COL6A3: variants seen among roughly 807,000 people sequenced by gnomAD.
COL6A3 encodes collagen type VI alpha 3 chain.
A neutral mutation model predicts 274.1 loss-of-function variants in COL6A3; 137 were observed. That is an observed-to-expected ratio of 0.50 (90% confidence interval 0.44 to 0.58). The LOEUF (loss-of-function observed/expected upper bound fraction) is 0.58. Ranked by LOEUF, COL6A3 falls within the 20% of genes least tolerant of loss-of-function variation. The probability of loss-of-function intolerance (pLI) is 0.00; values close to 1 mark genes in which losing one functional copy is unlikely to be tolerated. For missense variants in COL6A3, 3,950 were observed against 4,124.9 expected, an observed-to-expected ratio of 0.96 and a Z score of 1.16; for synonymous variants, 1,650 against 1,650.6, an observed-to-expected ratio of 1.00 and a Z score of 0.01.
Position 237,381,013 on chromosome 2 carries a change from G to C in COL6A3, c.1799C>G (p.Ser600Cys). ...GAACTCAGCTGGGATGAACACCAGGGAGGAGTCGAAAGCGATCTCTTCCAG... is the reference window on the plus strand; with the variant it reads ...GAACTCAGCTGGGATGAACACCAGGCAGGAGTCGAAAGCGATCTCTTCCAG... ...AELEEIAFDSSLVFIPAEFRA... is the reference protein window; with the variant it reads ...AELEEIAFDSCLVFIPAEFRA... Residue 600 changes from serine to cysteine, a missense_variant, in exon 5 of 44, where the codon TCC becomes TGC. By Grantham distance (112) the Ser-to-Cys change is moderately radical (BLOSUM62 -1). Around this residue, in one of 5 missense-constraint regions of COL6A3, gnomAD observed 1,934 missense variants for 1,984.3 expected, o/e 0.97. Coordinates refer to ENST00000295550, the MANE Select transcript of COL6A3 (RefSeq NM_004369.4). 6.2e-7 allele frequency: 1 copy of C among 1,614,216 alleles called. No individual in the cohort carries two copies. Among genetic ancestry groups the C allele is most frequent in the Non-Finnish European group, 8.5e-7 (1 of 1,180,036 alleles).
At chr2:237,357,760 T>C in intron 22 of COL6A3, 57 bp downstream of exon 22, 1 of 1,552,334 alleles carries the variant, frequency 6.4e-7, no homozygotes, top group South Asian at 1.1e-5. Context: ...AGCCGAGAAG[T>C]GTGTCCTTTC....
At position 237,408,160 on chromosome 2, in the gene COL6A3, C is replaced by A. The variant is rs116097924; in HGVS notation, c.-31+5793G>T. 2.0e-3 allele frequency among the ~76,000 whole-genome samples: 312 copies of A among 152,248 alleles called. 1 individual carries two copies. Among genetic ancestry groups the A allele is most frequent in the African/African-American group, 7.4e-3 (307 of 41,528 alleles). On this transcript the variant is annotated intron_variant, in intron 1 of 43. Coordinates refer to ENST00000295550, the MANE Select transcript of COL6A3 (RefSeq NM_004369.4). ...ATAAAATCATTCTTGAAAACAGAAA[C>A]CTTTTCAAAAATCAAGTTGGAACAT... is the stretch of plus-strand genomic sequence containing the variant.
At position 237,363,314 on chromosome 2, in the gene COL6A3, A is replaced by G. The variant is rs1425682472; in HGVS notation, c.6002T>C (p.Met2001Thr). 9 of 1,614,054 alleles carry G rather than the reference A, an allele frequency of 5.6e-6. No homozygotes were observed. The highest frequency in any genetic ancestry group is 7.6e-6 in the Non-Finnish European group (9 of 1,180,050). Residue 2001 changes from methionine (M) to threonine (T), a missense_variant, in exon 14 of 44, where the codon ATG becomes ACG. Physicochemically the swap from Met to Thr is moderately conservative, Grantham distance 81. Transcript: ENST00000295550. ...GTTAAGCCTCAGGGGCCTGTCATAC[A>G]TAAACCCTCGCCCAAACTCCAGATG... ...LMHLEFGRGF[M>T]YDRPLRLNLL...
At position 237,374,094 on chromosome 2, in the gene COL6A3, C is replaced by T. The variant is rs1255795896; in HGVS notation, c.3679+318G>A. On this transcript the variant is annotated intron_variant, in intron 8 of 43. Coordinates refer to ENST00000295550, the MANE Select transcript of COL6A3 (RefSeq NM_004369.4). The surrounding 1 kb of genome is among the most constrained non-coding windows in gnomAD (Gnocchi z 4.8). Reference sequence around the variant, plus strand: ...TACGCAACAGGCGTTATCAGTTAGACGGCCCCTCCCTTTGGATATCTAGAC... The same window carrying T: ...TACGCAACAGGCGTTATCAGTTAGATGGCCCCTCCCTTTGGATATCTAGAC... Among the ~76,000 whole-genome samples, 5 of 152,210 alleles carry T rather than the reference C, an allele frequency of 3.3e-5. No homozygotes were observed. Among genetic ancestry groups the T allele is most frequent in the Non-Finnish European group, 4.4e-5 (3 of 68,046 alleles).
Position 237,361,742 on chromosome 2 carries a change from T to C in COL6A3, c.6153A>G (p.Pro2051=). ...GDRGPIGSIG[P]KGIPGEDGYR... is the part of the protein sequence containing the mutation. Reference sequence around the variant, plus strand: ...GGCAAGGGTAAAGCCACCGTACCTTTGGCCCGATGCTGCCGATGGGCCCGC... The same window carrying C: ...GGCAAGGGTAAAGCCACCGTACCTTCGGCCCGATGCTGCCGATGGGCCCGC... Residue 2051 remains proline (P), a synonymous_variant, in exon 15 of 44, where the codon CCA becomes CCG. Transcript: ENST00000295550. This position sits in a 1 kb window ranked among gnomAD's most constrained non-coding sequence, Gnocchi z 5.1. The C allele has an allele frequency of 6.2e-7, 1 of 1,614,160 alleles. No homozygotes were observed. Among genetic ancestry groups the C allele is most frequent in the South Asian group, 1.1e-5 (1 of 91,080 alleles).
rs1700531524 is a variant in COL6A3, at chr2:237,336,155, G to A, written c.8945C>T (p.Pro2982Leu). The A allele has an allele frequency of 6.2e-7, 1 of 1,613,328 alleles. No homozygotes were observed. Among genetic ancestry groups the A allele is most frequent in the South Asian group, 1.1e-5 (1 of 91,092 alleles). ...PQAAKPAATK[P>L]ATTKPMVKMS... The stretch of plus-strand genomic sequence containing the variant: ...CTTACCCATGGGCTTAGTGGTGGCT[G>A]GCTTGGTGGCAGCTGGTTTGGCTGC... Residue 2982 changes from proline to leucine, a missense_variant, in exon 40 of 44, where the codon CCA (proline) becomes CTA (leucine). Transcript: ENST00000295550.
rs1279246811 is a variant in COL6A3 at position 237,344,458 on chromosome 2, T to C, written c.7560A>G (p.Thr2520=). The change falls in exon 36 of 44, where the codon ACA becomes ACG. Residue 2520 remains threonine, a synonymous_variant. Coordinates refer to ENST00000295550, the MANE Select transcript of COL6A3 (RefSeq NM_004369.4). This position sits in a 1 kb window ranked among gnomAD's most constrained non-coding sequence, Gnocchi z 4.8. ...CCTCTCTGAGCTGTGGGGATGCTCT[T>C]GTGGGTGTGTTGCTGAAGAAAACAG... ...KVAVFFSNTP[T]RASPQLREAV... 1.9e-6 allele frequency: 3 copies of C among 1,614,222 alleles called. No homozygotes were observed. The highest frequency in any genetic ancestry group is 2.5e-6 in the Non-Finnish European group (3 of 1,180,040).
rs751064411 is a variant in COL6A3, at chr2:237,357,888, A to G, written c.6472-6T>C. The G allele has an allele frequency of 6.2e-7, 1 of 1,614,068 alleles. No homozygotes were observed. Among genetic ancestry groups the G allele is most frequent in the Non-Finnish European group, 8.5e-7 (1 of 1,179,928 alleles). On this transcript the variant is annotated splice_region_variant and splice_polypyrimidine_tract_variant and intron_variant, in intron 21 of 43. Coordinates refer to ENST00000295550, the MANE Select transcript of COL6A3 (RefSeq NM_004369.4). ...CTGTCTTGTCCTGGGTTACCCTGAA[A>G]GCAACATGGGAAAGGGAAATGAGCC...
In COL6A3 at chr2:237,377,103, G is replaced by A; in HGVS notation, c.2739C>T (p.Ala913=). 2 of 1,614,190 alleles carry A rather than the reference G, an allele frequency of 1.2e-6. No homozygotes were observed. Among genetic ancestry groups the A allele is most frequent in the Non-Finnish European group, 8.5e-7 (1 of 1,180,034 alleles). Residue 913 remains alanine, a synonymous_variant, in exon 7 of 44, where the codon GCC becomes GCT. Transcript: ENST00000295550. ...AGTCCAGCGCGTAGCCCAGGTTGAG[G>A]GCTTTGCCCGTCTTGATCTTCATTC... ...VKRMKIKTGK[A]LNLGYALDYA... is the part of the protein sequence containing the mutation.
chr2:237,369,603 G>A (rs764119845), intron 9 of COL6A3, among the ~76,000 whole-genome samples: 8 of 152,146 alleles, frequency 5.3e-5, no homozygotes, highest in South Asian at 4.1e-4. Flanking sequence ...AAAGGTTCTC[G>A]CCTTGTCCAA....
intron 4 of COL6A3, among the ~76,000 whole-genome samples, chr2:237,382,829 C>T (rs964174402): frequency 3.3e-5 from 5 of 152,098 alleles, no homozygotes; most frequent in African/African-American, 1.2e-4. Context: ...ACTCTATCAC[C>T]CAGGCTGGAG....
Position 237,364,329 on chromosome 2 carries a change from T to A in COL6A3, c.5917+21A>T. ...CCTCACCAGGGTTTACTTCTCATAT[T>A]TAGAAAGCCTTGGCACCTACCTTCT... On this transcript the variant is annotated intron_variant, in intron 13 of 43. Transcript: ENST00000295550. The surrounding 1 kb of genome is among the most constrained non-coding windows in gnomAD (Gnocchi z 4.6). 1 of 1,603,122 alleles carries A rather than the reference T, an allele frequency of 6.2e-7. No individual in the cohort carries two copies. Among genetic ancestry groups the A allele is most frequent in the South Asian group, 1.1e-5 (1 of 90,884 alleles).
rs772443564 is a variant in COL6A3, at chr2:237,374,719, C to T, written c.3372G>A (p.Ala1124=). Residue 1124 remains alanine (A), a synonymous_variant, in exon 8 of 44, where the codon GCG becomes GCA. Coordinates refer to ENST00000295550, the MANE Select transcript of COL6A3 (RefSeq NM_004369.4). The surrounding 1 kb of genome is among the most constrained non-coding windows in gnomAD (Gnocchi z 4.8). Reference sequence around the variant, plus strand: ...GCACACCTTCTGTTATCCTGCTTCCCGCAGAGCTGACCAGGATGTTCCTCA... The same window carrying T: ...GCACACCTTCTGTTATCCTGCTTCCTGCAGAGCTGACCAGGATGTTCCTCA... ...FVLRNILVSS[A]GSRITEGVPQ... 1.5e-5 allele frequency: 25 copies of T among 1,613,374 alleles called. No individual in the cohort carries two copies. In the East Asian group the frequency reaches 4.2e-4, roughly 27 times the overall value.
chr2:237,387,962 G>A lies in COL6A3; in HGVS notation c.932C>T (p.Ala311Val), dbSNP rs781284019. ...TKAQVLGAVK[A>V]LGFAGGELAN... ...CAACTCCCCACCAGCAAACCCGAGG[G>A]CTTTCACTGCACCCAGAACCTGGGC... Residue 311 changes from alanine to valine, a missense_variant, in exon 4 of 44, where the codon GCC becomes GTC. Around this residue, in one of 5 missense-constraint regions of COL6A3, gnomAD observed 1,934 missense variants for 1,984.3 expected, o/e 0.97. Transcript: ENST00000295550. The A allele has an allele frequency of 1.2e-6, 2 of 1,614,210 alleles. No individual in the cohort carries two copies. Among genetic ancestry groups the A allele is most frequent in the Middle Eastern group, 1.6e-4 (1 of 6,062 alleles).
chr2:237,362,057 A>G (rs1220018862), intron 14 of COL6A3, among the ~76,000 whole-genome samples: 3 of 152,188 alleles, frequency 2.0e-5, no homozygotes, highest in Non-Finnish European at 2.9e-5. Flanking sequence ...GGTCACCAAT[A>G]GGAAAGTAAA....
chr2:237,408,307 T>G (rs539329944), intron 1 of COL6A3, among the ~76,000 whole-genome samples: 2 of 152,310 alleles, frequency 1.3e-5, no homozygotes, highest in African/African-American at 4.8e-5. Flanking sequence ...AAAAGAAGGC[T>G]CCTTGCCTGT....
chr2:237,344,182 G>A lies in COL6A3; in HGVS notation c.7668+168C>T, dbSNP rs1317522615. 9.2e-6 allele frequency: 9 copies of A among 979,062 alleles called. No homozygotes were observed. Among genetic ancestry groups the A allele is most frequent in the South Asian group, 7.8e-5 (6 of 76,948 alleles). 60.6% of individuals were successfully genotyped at this position (979,062 alleles called of 1,614,324 possible). A position where few individuals can be genotyped will look rare whatever the true frequency, so the allele number is the denominator to read the frequency against. On this transcript the variant is annotated intron_variant, in intron 36 of 43. Transcript: ENST00000295550. This position sits in a 1 kb window ranked among gnomAD's most constrained non-coding sequence, Gnocchi z 4.8. ...GGCGTCCCTGTAGTGCTGGAGCCACGAGGTTGTCCTGGAGACCTCACAAGA... is the reference window on the plus strand; with the variant it reads ...GGCGTCCCTGTAGTGCTGGAGCCACAAGGTTGTCCTGGAGACCTCACAAGA...
At chr2:237,404,557 T>C (rs2106401343) in intron 1 of COL6A3, among the ~76,000 whole-genome samples, 1 of 152,310 alleles carries the variant, frequency 6.6e-6, no homozygotes, top group South Asian at 2.1e-4. Flanking sequence ...TAGGACATGA[T>C]AAGATGAGAG....
intron 8 of COL6A3, among the ~76,000 whole-genome samples, chr2:237,373,026 T>C (rs1458943073): frequency 1.3e-5 from 2 of 152,128 alleles, no homozygotes; most frequent in African/African-American, 4.8e-5. Flanking sequence ...CAGCTCTCTT[T>C]GGGTTTACTT....
Sources: gnomAD v4.1 joint callset for allele counts (sites outside exome capture counted in the v4.1 genomes callset) on GRCh38, gnomAD v4.1.1 for gene constraint, gnomAD v4.1.1 regional missense constraint, Gnocchi (gnomAD v3.1) non-coding constraint, MANE v1.5 for transcripts, NCBI Gene and HGNC (gene_info 2026-07-23, HGNC 2026-07-21) for gene names.